ABCC1: variants seen among roughly 807,000 people sequenced by gnomAD.
ABCC1 encodes the protein ATP binding cassette subfamily C member 1 (ABCC1 blood group), also known as multidrug resistance-associated protein 1.
In ABCC1, 83 loss-of-function variants were observed where a neutral mutation model predicts 172.9. The observed-to-expected ratio is 0.48, with a 90% CI of 0.40 to 0.58. The LOEUF is 0.58. ABCC1 is among the 20% of genes least tolerant of loss of function. The probability of loss-of-function intolerance (pLI) is 0.00; values close to 1 mark genes in which losing one functional copy is unlikely to be tolerated. For synonymous variants in ABCC1, 937 were observed against 825.2 expected (o/e 1.14, Z -2.32); for missense variants, 1,817 against 2,002.7 (o/e 0.91, Z 1.77).
intron 23 of ABCC1, among the ~76,000 whole-genome samples, chr16:16,116,459 A>T (rs1222468875): frequency 6.6e-6 from 1 of 152,200 alleles, no homozygotes; most frequent in African/African-American, 2.4e-5. Context: ...AGTTTAATTT[A>T]TAAATTTGGC....
chr16:15,984,306 C>T (rs2046695646), intron 1 of ABCC1, among the ~76,000 whole-genome samples: 1 of 152,120 alleles, frequency 6.6e-6, no homozygotes, highest in African/African-American at 2.4e-5. Context: ...GGTATGTTAC[C>T]TCTGTGTAAA....
At chr16:16,018,028 A>G (rs577687136) in intron 5 of ABCC1, among the ~76,000 whole-genome samples, 1 of 152,232 alleles carries the variant, frequency 6.6e-6, no homozygotes, top group South Asian at 2.1e-4. Context: ...TTTGGGTTTT[A>G]TTGTGAGTAT....
intron 19 of ABCC1, among the ~76,000 whole-genome samples, chr16:16,100,562 T>G (rs770825557): frequency 1.3e-5 from 2 of 152,234 alleles, no homozygotes; most frequent in Admixed American, 6.5e-5. Flanking sequence ...ATTTGTGTTT[T>G]GTTTGTTTTT....
chr16:16,111,491 C>A lies in ABCC1; in HGVS notation c.2988C>A (p.Leu996=), dbSNP rs772439304. 6.2e-7 allele frequency: 1 copy of A among 1,614,202 alleles called. No individual in the cohort carries two copies. The highest frequency in any genetic ancestry group is 8.5e-7 in the Non-Finnish European group (1 of 1,180,034). Residue 996 remains leucine (L), a synonymous_variant, in exon 22 of 31, where the codon CTC becomes CTA. Coordinates refer to ENST00000399410, the MANE Select transcript of ABCC1 (RefSeq NM_004996.4). ...CCGCGCTGGCTTCCAACTATTGGCT[C>A]AGCCTCTGGACTGATGACCCCATCG... ...HVSALASNYW[L]SLWTDDPIVN...
chr16:16,082,760 A>C (rs2050854417), intron 16 of ABCC1, among the ~76,000 whole-genome samples: 1 of 152,018 alleles, frequency 6.6e-6, no homozygotes, highest in Admixed American at 6.6e-5. Flanking sequence ...TGATCCTCCC[A>C]CCTCAGCCTC....
At chr16:16,017,030 C>G (rs1273943767) in intron 5 of ABCC1, among the ~76,000 whole-genome samples, 1 of 152,170 alleles carries the variant, frequency 6.6e-6, no homozygotes, top group Non-Finnish European at 1.5e-5. Flanking sequence ...CCCCGGCACT[C>G]CCTGTTGTAT....
intron 21 of ABCC1, among the ~76,000 whole-genome samples, chr16:16,110,321 T>C (rs1459334555): frequency 6.6e-6 from 1 of 152,154 alleles, no homozygotes; most frequent in Non-Finnish European, 1.5e-5. Context: ...TGACCTCAGG[T>C]GATCCACTTG....
chr16:16,121,735 G>A (rs1240910679), intron 23 of ABCC1, among the ~76,000 whole-genome samples: 2 of 152,184 alleles, frequency 1.3e-5, no homozygotes, highest in African/African-American at 4.8e-5. Flanking sequence ...TGCTTAGAAC[G>A]ATGCCTGGGG....
At chr16:15,972,882 T>TGTG (rs2046400933) in intron 1 of ABCC1, among the ~76,000 whole-genome samples, 1 of 133,326 alleles carries the variant, frequency 7.5e-6, no homozygotes, top group African/African-American at 2.7e-5. Flanking sequence ...CGCTGCAACC[T>TGTG]CTACCTCCTA....
chr16:16,029,622 A>G (rs1436665077), intron 5 of ABCC1, among the ~76,000 whole-genome samples: 3 of 152,238 alleles, frequency 2.0e-5, no homozygotes, highest in Admixed American at 2.0e-4. Context: ...TTATTTCGCA[A>G]TAGTTTGGCT....
intron 24 of ABCC1, among the ~76,000 whole-genome samples, chr16:16,123,446 T>G (rs563625691): frequency 1.3e-5 from 2 of 151,402 alleles, no homozygotes; most frequent in Admixed American, 6.6e-5. Context: ...ACCAGCCTGG[T>G]CAACATGGCA....
At chr16:16,054,066 C>T (rs2049545471) in intron 11 of ABCC1, among the ~76,000 whole-genome samples, 2 of 151,804 alleles carry the variant, frequency 1.3e-5, no homozygotes, top group African/African-American at 2.4e-5. Flanking sequence ...CCTCTGCCTC[C>T]CGGGTTCAAG....
intron 6 of ABCC1, among the ~76,000 whole-genome samples, chr16:16,035,236 CA>C (rs1174968507): frequency 6.6e-6 from 1 of 151,904 alleles, no homozygotes; most frequent in Non-Finnish European, 1.5e-5. Context: ...ACCCTGTCTC[CA>C]CTAACAATAC....
chr16:15,958,244 T>C (rs1217870376), intron 1 of ABCC1, among the ~76,000 whole-genome samples: 1 of 152,168 alleles, frequency 6.6e-6, no homozygotes, highest in Non-Finnish European at 1.5e-5. Flanking sequence ...TAGCTGGGAT[T>C]ACAGGCCCGC....
At chr16:15,949,351 A>G (rs575308862), upstream of ABCC1, among the ~76,000 whole-genome samples, 3 of 152,006 alleles carry the variant, frequency 2.0e-5, no homozygotes, top group Non-Finnish European at 4.4e-5. Flanking sequence ...TGTGGCCCCA[A>G]AGATCCCAGG....
intron 17 of ABCC1, 136 bp downstream of exon 17, chr16:16,083,678 C>T (rs45491896): frequency 2.7e-4 from 301 of 1,108,924 alleles, no homozygotes; most frequent in South Asian, 2.0e-3. Context: ...CTCTGCTGCA[C>T]GCTGCAGGCC....
intron 7 of ABCC1, among the ~76,000 whole-genome samples, 184 bp downstream of exon 7, chr16:16,036,787 T>C (rs965858238): frequency 1.3e-5 from 2 of 152,040 alleles, no homozygotes; most frequent in African/African-American, 2.4e-5. Flanking sequence ...GGATCTCACA[T>C]GTCATTAAAG....
At chr16:16,024,818 C>T (rs1414223678) in intron 5 of ABCC1, among the ~76,000 whole-genome samples, 1 of 152,100 alleles carries the variant, frequency 6.6e-6, no homozygotes, top group East Asian at 1.9e-4. Flanking sequence ...AAAGCCTTTG[C>T]AGGCACCCAG....
chr16:15,960,633 G>A (rs1273844869), intron 1 of ABCC1, among the ~76,000 whole-genome samples: 1 of 152,106 alleles, frequency 6.6e-6, no homozygotes, highest in Non-Finnish European at 1.5e-5. Context: ...AAACTACTAC[G>A]GAGGGATGTC....
Sources: gnomAD v4.1 joint callset for allele counts (sites outside exome capture counted in the v4.1 genomes callset) on GRCh38, gnomAD v4.1.1 for gene constraint, MANE v1.5 for transcripts, NCBI Gene and HGNC (gene_info 2026-07-23, HGNC 2026-07-21) for gene names.